The following TANC1 variants were observed in gnomAD, a reference collection of about 807,000 sequenced individuals.
The protein encoded by TANC1 is tetratricopeptide repeat, ankyrin repeat and coiled-coil containing 1.
Under a neutral mutation model 149.7 loss-of-function variants are expected in TANC1, and 77 were observed. That is an observed-to-expected ratio of 0.51 (90% CI 0.43 to 0.62). TANC1 has a LOEUF of 0.62. Ranked by LOEUF, TANC1 falls within the 20% of genes least tolerant of loss-of-function variation. The pLI, the probability that TANC1 is intolerant of heterozygous loss-of-function variation, is 0.00. For synonymous variants in TANC1, 854 were observed against 925.0 expected (o/e 0.92, Z 1.39); for missense variants, 1,985 against 2,321.8 (o/e 0.85, Z 2.98).
chr2:159,208,008 TACTG>T (rs1424587297), intron 19 of TANC1, among the ~76,000 whole-genome samples: 2 of 152,212 alleles, frequency 1.3e-5, no homozygotes, highest in Non-Finnish European at 1.5e-5. Flanking sequence ...AAATTTCTGA[TACTG>T]ACACTGATTC....
intron 2 of TANC1, among the ~76,000 whole-genome samples, chr2:159,034,197 T>C (rs1040779895): frequency 3.3e-5 from 5 of 152,212 alleles, no homozygotes; most frequent in Non-Finnish European, 7.3e-5. Flanking sequence ...GTGAATGGCC[T>C]AATCTGTCCC....
chr2:159,081,327 A>G (rs1221242022), intron 3 of TANC1, among the ~76,000 whole-genome samples: 2 of 151,970 alleles, frequency 1.3e-5, no homozygotes, highest in African/African-American at 4.8e-5. Context: ...AGAAGGGTAC[A>G]GAGATAGTCT....
rs114396680 is a variant in TANC1, at chr2:159,228,157, G to A, written c.4050+192G>A. ...TTTGGTCACGGCTGCTACGCTCCTCGCATGATGTTGAAGGAATGCACTTGG... is the reference window on the plus strand; with the variant it reads ...TTTGGTCACGGCTGCTACGCTCCTCACATGATGTTGAAGGAATGCACTTGG... On this transcript the variant is annotated intron_variant, in intron 25 of 26. Coordinates refer to ENST00000263635, the MANE Select transcript of TANC1 (RefSeq NM_033394.3). The A allele has an allele frequency of 1.2e-3, 731 of 611,716 alleles. 7 individuals are homozygous for A. The African/African-American group carries it at 0.012, about 10-fold the overall frequency. 37.9% of individuals were successfully genotyped at this position (611,716 alleles called of 1,614,324 possible). A position where few individuals can be genotyped will look rare whatever the true frequency, so the allele number is the denominator to read the frequency against.
At chr2:159,187,793 C>T (rs1034781838) in intron 16 of TANC1, among the ~76,000 whole-genome samples, 7 of 152,118 alleles carry the variant, frequency 4.6e-5, no homozygotes, top group African/African-American at 9.7e-5. Context: ...GTGTATCTCT[C>T]GGCTTCTCCA....
chr2:158,969,131 C>T (rs1475272093), intron 1 of TANC1, among the ~76,000 whole-genome samples: 1 of 152,176 alleles, frequency 6.6e-6, no homozygotes, highest in East Asian at 1.9e-4. Context: ...CTGGGACCAC[C>T]CCCGCCCGGC....
intron 7 of TANC1, among the ~76,000 whole-genome samples, chr2:159,152,886 A>G (rs943154778): frequency 1.3e-5 from 2 of 152,220 alleles, no homozygotes; most frequent in Non-Finnish European, 2.9e-5. Context: ...GAGGAAAGAA[A>G]TGGTGCTGGT....
intron 8 of TANC1, among the ~76,000 whole-genome samples, chr2:159,165,316 G>T (rs576993313): frequency 1.4e-4 from 22 of 152,190 alleles, no homozygotes; most frequent in Admixed American, 3.9e-4. Flanking sequence ...TAGCTTCTGC[G>T]TGTGCCCTTG....
intron 3 of TANC1, among the ~76,000 whole-genome samples, chr2:159,095,830 C>T (rs1447684622): frequency 2.3e-5 from 3 of 130,826 alleles, no homozygotes; most frequent in Non-Finnish European, 5.1e-5. Context: ...TCTACTTCCT[C>T]TTGACTCCTA....
At chr2:158,991,703 A>T (rs919724067) in intron 1 of TANC1, among the ~76,000 whole-genome samples, 7 of 151,930 alleles carry the variant, frequency 4.6e-5, no homozygotes. Context: ...CTGATATCGC[A>T]CCACTGCACT....
chr2:159,159,715 TGTGAGA>T (rs1352494716), intron 7 of TANC1, among the ~76,000 whole-genome samples: 118 of 63,184 alleles, frequency 1.9e-3, no homozygotes, highest in African/African-American at 6.6e-3. Context: ...TGTGTGTGTG[TGTGAGA>T]GAGAGAGAGA....
intron 4 of TANC1, among the ~76,000 whole-genome samples, chr2:159,101,973 A>C (rs2046759658): frequency 6.6e-6 from 1 of 152,132 alleles, no homozygotes; most frequent in South Asian, 2.1e-4. Flanking sequence ...GTTCTGTCTC[A>C]CAGTGGACAT....
At chr2:159,110,124 CAAG>C (rs2047579591) in intron 4 of TANC1, among the ~76,000 whole-genome samples, 1 of 152,136 alleles carries the variant, frequency 6.6e-6, no homozygotes, top group African/African-American at 2.4e-5. Flanking sequence ...GGGTTGAAGA[CAAG>C]AACAGAAAAT....
At chr2:159,229,131 C>G (rs1224350466) in intron 26 of TANC1, among the ~76,000 whole-genome samples, 1 of 152,130 alleles carries the variant, frequency 6.6e-6, no homozygotes, top group Non-Finnish European at 1.5e-5. Flanking sequence ...CCACCCCTCC[C>G]CCCACGTGAA....
At chr2:159,088,598 G>A (rs765822075) in intron 3 of TANC1, among the ~76,000 whole-genome samples, 8 of 152,218 alleles carry the variant, frequency 5.3e-5, no homozygotes, top group Admixed American at 2.0e-4. Context: ...TCCAACCCAC[G>A]GCCTGTGGGT....
At chr2:159,228,271 C>T (rs1298918678) in intron 25 of TANC1, 1 of 347,754 alleles carries the variant, frequency 2.9e-6, no homozygotes, top group Admixed American at 4.6e-5. Context: ...CACTGCCGTC[C>T]CCGGATTCAG....
chr2:158,991,037 A>T (rs899235626), intron 1 of TANC1, among the ~76,000 whole-genome samples: 5 of 137,198 alleles, frequency 3.6e-5, no homozygotes, highest in Non-Finnish European at 6.2e-5. Flanking sequence ...GGTTGTGGTG[A>T]GCTGAGATTG....
At chr2:159,047,235 T>C (rs2041140678) in intron 2 of TANC1, among the ~76,000 whole-genome samples, 1 of 145,262 alleles carries the variant, frequency 6.9e-6, no homozygotes. Context: ...TCCAAACCAC[T>C]CACCCCACGC....
At chr2:159,044,317 G>T (rs1275189600) in intron 2 of TANC1, among the ~76,000 whole-genome samples, 1 of 151,866 alleles carries the variant, frequency 6.6e-6, no homozygotes, top group African/African-American at 2.4e-5. Context: ...TGCACCTGTA[G>T]TCCCAAGCTA....
chr2:159,079,314 A>C lies in TANC1; in HGVS notation c.61+13343A>C, dbSNP rs184750909. Among the ~76,000 whole-genome samples the C allele has an allele frequency of 1.2e-4, 17 of 146,744 alleles. No individual in the cohort carries two copies. In the East Asian group the frequency reaches 3.6e-3, roughly 31 times the overall value. ...CCTAGTAACTGGGATTACAGGTGTGAGCAACCTCACTTGGCTGAAAAGTGT... is the reference window on the plus strand; with the variant it reads ...CCTAGTAACTGGGATTACAGGTGTGCGCAACCTCACTTGGCTGAAAAGTGT... On this transcript the variant is annotated intron_variant, in intron 3 of 26. Transcript: ENST00000263635.
Sources: gnomAD v4.1 joint callset for allele counts (sites outside exome capture counted in the v4.1 genomes callset) on GRCh38, gnomAD v4.1.1 for gene constraint, MANE v1.5 for transcripts, NCBI Gene and HGNC (gene_info 2026-07-23, HGNC 2026-07-21) for gene names.